CNTNAP2: variants seen among roughly 807,000 people sequenced by gnomAD.
CNTNAP2 encodes the protein contactin-associated protein-like 2.
CNTNAP2 carries 98 observed loss-of-function variants against 155.2 expected under a neutral mutation model. That is an observed-to-expected ratio of 0.63 (90% confidence interval 0.54 to 0.75). The LOEUF is 0.75. Among genes scored for constraint, CNTNAP2 ranks in the 30% least tolerant of loss-of-function variants. CNTNAP2 has a pLI of 0.00. For synonymous variants in CNTNAP2, 651 were observed against 631.2 expected (o/e 1.03, Z -0.47); for missense variants, 1,727 against 1,688.1 (o/e 1.02, Z -0.40).
intron 1 of CNTNAP2, among the ~76,000 whole-genome samples, chr7:146,174,735 G>A (rs1031375131): frequency 3.3e-5 from 5 of 151,954 alleles, no homozygotes; most frequent in African/African-American, 7.2e-5. Context: ...CCAGCTACTC[G>A]GGAGGCTGAG....
chr7:147,298,640 C>T (rs557367234), intron 8 of CNTNAP2, among the ~76,000 whole-genome samples: 2 of 152,254 alleles, frequency 1.3e-5, no homozygotes, highest in Admixed American at 1.3e-4. Flanking sequence ...GTATGATTTT[C>T]CTATAAAGGA....
At chr7:147,141,959 T>C (rs2129287505) in intron 8 of CNTNAP2, among the ~76,000 whole-genome samples, 1 of 152,284 alleles carries the variant, frequency 6.6e-6, no homozygotes, top group African/African-American at 2.4e-5. Context: ...CCTATCAGCT[T>C]AAGGAGATTT....
chr7:146,783,521 G>A (rs1158262599), intron 2 of CNTNAP2, among the ~76,000 whole-genome samples: 1 of 152,128 alleles, frequency 6.6e-6, no homozygotes, highest in Non-Finnish European at 1.5e-5. Flanking sequence ...ATTGACACTT[G>A]TTATAAATGA....
intron 1 of CNTNAP2, among the ~76,000 whole-genome samples, chr7:146,472,445 C>T (rs1796814462): frequency 6.6e-6 from 1 of 152,160 alleles, no homozygotes; most frequent in Non-Finnish European, 1.5e-5. Context: ...AAGCAATACG[C>T]TTGCATTGCA....
At chr7:146,311,358 A>G (rs1463141443) in intron 1 of CNTNAP2, among the ~76,000 whole-genome samples, 7 of 152,190 alleles carry the variant, frequency 4.6e-5, no homozygotes. Flanking sequence ...GTTCATTTCT[A>G]CGCCACAAAT....
At chr7:148,161,749 G>A (rs1260298682) in intron 17 of CNTNAP2, among the ~76,000 whole-genome samples, 3 of 152,176 alleles carry the variant, frequency 2.0e-5, no homozygotes, top group African/African-American at 4.8e-5. Context: ...GCCTGTTACT[G>A]TTGTCTGATT....
intron 1 of CNTNAP2, among the ~76,000 whole-genome samples, chr7:146,439,474 C>T (rs927058383): frequency 1.3e-5 from 2 of 151,354 alleles, no homozygotes; most frequent in African/African-American, 4.9e-5. Context: ...TTCTTTCCTC[C>T]TGGTATTATA....
chr7:146,930,929 C>A (rs1250881209), intron 3 of CNTNAP2, among the ~76,000 whole-genome samples: 1 of 152,156 alleles, frequency 6.6e-6, no homozygotes, highest in African/African-American at 2.4e-5. Flanking sequence ...CACCCAGATT[C>A]ATAAAGCAAG....
intron 11 of CNTNAP2, among the ~76,000 whole-genome samples, chr7:147,497,505 G>T (rs570340706): frequency 6.6e-5 from 10 of 152,256 alleles, no homozygotes; most frequent in Admixed American, 6.5e-4. Context: ...CTTTCACTAG[G>T]CTAGGTAGAG....
At chr7:146,151,843 T>C (rs1252866401) in intron 1 of CNTNAP2, among the ~76,000 whole-genome samples, 1 of 150,516 alleles carries the variant, frequency 6.6e-6, no homozygotes, top group African/African-American at 2.4e-5. Context: ...TTAGAATAGC[T>C]ATCATCAGAA....
chr7:146,292,312 T>G (rs1800442061), intron 1 of CNTNAP2, among the ~76,000 whole-genome samples: 1 of 152,198 alleles, frequency 6.6e-6, no homozygotes, highest in Non-Finnish European at 1.5e-5. Context: ...TTGAGGATAA[T>G]GGCTTCCAGC....
chr7:148,279,162 C>T (rs1470927147), intron 21 of CNTNAP2, among the ~76,000 whole-genome samples: 3 of 152,148 alleles, frequency 2.0e-5, no homozygotes, highest in Admixed American at 2.0e-4. Flanking sequence ...TAACACAATC[C>T]AATTTACATA....
intron 9 of CNTNAP2, among the ~76,000 whole-genome samples, chr7:147,355,022 A>T (rs1796038717): frequency 6.6e-6 from 1 of 152,094 alleles, no homozygotes. Flanking sequence ...TTATCATTTC[A>T]AGAAGTTTTT....
intron 4 of CNTNAP2, among the ~76,000 whole-genome samples, chr7:147,060,778 G>A (rs1274586965): frequency 6.6e-6 from 1 of 151,946 alleles, no homozygotes; most frequent in Non-Finnish European, 1.5e-5. Flanking sequence ...GCAGGAGAAT[G>A]GCGTGAACCT....
chr7:147,347,461 T>TCTATATATATGC (rs1554472695), intron 9 of CNTNAP2, among the ~76,000 whole-genome samples: 1 of 62,552 alleles, frequency 1.6e-5, no homozygotes, highest in South Asian at 5.2e-4. Context: ...TATATGCATA[T>TCTATATATATGC]ATATATATAT....
rs188761003 is a variant in CNTNAP2, at chr7:147,344,184, G to A, written c.1498+43894G>A. 2.0e-5 allele frequency among the ~76,000 whole-genome samples: 3 copies of A among 152,256 alleles called. No individual in the cohort carries two copies. The East Asian group carries it at 5.8e-4, about 29-fold the overall frequency. The stretch of plus-strand genomic sequence containing the variant: ...GACTCCAAAGAATGAGCAGTTGCCA[G>A]TAGCGCTGATTTAGAATCATCAAGC... On this transcript the variant is annotated intron_variant, in intron 9 of 23. Coordinates refer to ENST00000361727, the MANE Select transcript of CNTNAP2 (RefSeq NM_014141.6).
At position 147,365,495 on chromosome 7, in the gene CNTNAP2, GAATT is replaced by G. The variant is rs533860051; in HGVS notation, c.1499-30106_1499-30103del. ...CATTATCTTTGTCAGATGAATGTTT[GAATT>G]AATTAATAAATATTTTCTACTATTC... is the stretch of plus-strand genomic sequence containing the variant. On this transcript the variant is annotated intron_variant, in intron 9 of 23. Coordinates refer to ENST00000361727, the MANE Select transcript of CNTNAP2 (RefSeq NM_014141.6). 2.3e-4 allele frequency among the ~76,000 whole-genome samples: 34 copies of G among 147,376 alleles called. 1 individual carries two copies. The East Asian group carries it at 6.5e-3, about 28-fold the overall frequency.
At chr7:148,035,730 C>T (rs1455831503) in intron 15 of CNTNAP2, among the ~76,000 whole-genome samples, 1 of 152,166 alleles carries the variant, frequency 6.6e-6, no homozygotes, top group African/African-American at 2.4e-5. Flanking sequence ...GCAAACCCCA[C>T]AACCCTGACC....
chr7:146,905,550 T>C (rs1796102687), intron 3 of CNTNAP2, among the ~76,000 whole-genome samples: 1 of 152,150 alleles, frequency 6.6e-6, no homozygotes, highest in Non-Finnish European at 1.5e-5. Flanking sequence ...GTGTATAGAA[T>C]TTAGAAAATA....
Sources: allele counts gnomAD v4.1 joint callset (sites outside exome capture counted in the v4.1 genomes callset), GRCh38; gene constraint gnomAD v4.1.1; transcripts MANE v1.5; gene names NCBI Gene and HGNC (gene_info 2026-07-23, HGNC 2026-07-21).